TIMP3: variants seen among roughly 807,000 people sequenced by gnomAD.
TIMP3 encodes the protein TIMP metallopeptidase inhibitor 3, also known as metalloproteinase inhibitor 3.
TIMP3 carries 11 observed loss-of-function variants against 30.0 expected under a neutral mutation model. The ratio of observed to expected loss-of-function variants is 0.37; its 90% CI spans 0.23 to 0.61. TIMP3 has a LOEUF of 0.61. TIMP3 is among the 20% of genes least tolerant of loss of function. The pLI, the probability that TIMP3 is intolerant of heterozygous loss-of-function variation, is 0.70. For synonymous variants in TIMP3, 112 were observed against 111.3 expected (o/e 1.01, Z -0.04); for missense variants, 181 against 276.8 (o/e 0.65, Z 2.45).
Position 32,861,190 on chromosome 22 carries a change from G to A in TIMP3, c.*1813G>A, listed in dbSNP as rs2048527615. 6.7e-6 allele frequency: 1 copy of A among 148,646 alleles called. No individual in the cohort carries two copies. The highest frequency in any genetic ancestry group is 1.5e-5 in the Non-Finnish European group (1 of 67,230). 9.2% of individuals were successfully genotyped at this position (148,646 alleles called of 1,614,324 possible). On this transcript the variant is annotated 3_prime_UTR_variant, in exon 5 of 5. Coordinates refer to ENST00000266085, the MANE Select transcript of TIMP3 (RefSeq NM_000362.5). ...AAACAGAAGAAGAAAAAAAAAAAAAGCAGCAGACAACACACTGTAGAGTCT... is the reference window on the plus strand; with the variant it reads ...AAACAGAAGAAGAAAAAAAAAAAAAACAGCAGACAACACACTGTAGAGTCT...
At chr22:32,821,626 G>A (rs1247673603) in intron 1 of TIMP3, among the ~76,000 whole-genome samples, 1 of 152,226 alleles carries the variant, frequency 6.6e-6, no homozygotes, top group East Asian at 1.9e-4. Flanking sequence ...AAATCGGATG[G>A]AAGAGCGGAG....
chr22:32,855,336 A>T (rs533032698), intron 2 of TIMP3, among the ~76,000 whole-genome samples: 1 of 152,186 alleles, frequency 6.6e-6, no homozygotes, highest in Non-Finnish European at 1.5e-5. Flanking sequence ...CTGGGCACAC[A>T]CTGTGCCTCT....
intron 1 of TIMP3, among the ~76,000 whole-genome samples, chr22:32,818,828 C>T (rs1157359000): frequency 6.6e-6 from 1 of 152,158 alleles, no homozygotes; most frequent in Non-Finnish European, 1.5e-5. Context: ...GCTCAGAGAC[C>T]AGGAGGAATC....
At chr22:32,807,146 G>A (rs111303650) in intron 1 of TIMP3, among the ~76,000 whole-genome samples, 75 of 150,430 alleles carry the variant, frequency 5.0e-4, no homozygotes, top group Non-Finnish European at 9.6e-4. Flanking sequence ...AGACTGGGTA[G>A]CTCCCCCTGG....
chr22:32,839,107 C>A (rs1264473281), intron 1 of TIMP3, among the ~76,000 whole-genome samples: 1 of 151,730 alleles, frequency 6.6e-6, no homozygotes, highest in Non-Finnish European at 1.5e-5. Flanking sequence ...CTCACCTAGG[C>A]AAGGGGCATC....
chr22:32,828,175 T>C (rs2047468974), intron 1 of TIMP3, among the ~76,000 whole-genome samples: 1 of 152,232 alleles, frequency 6.6e-6, no homozygotes. Context: ...GCTAGGAAAT[T>C]GAGGCTGAGA....
At chr22:32,806,750 T>TACA (rs2046751153) in intron 1 of TIMP3, among the ~76,000 whole-genome samples, 1 of 152,134 alleles carries the variant, frequency 6.6e-6, no homozygotes, top group African/African-American at 2.4e-5. Flanking sequence ...TCTCTCTGTA[T>TACA]ATCTATGATA....
At chr22:32,803,303 G>A (rs2046641469) in intron 1 of TIMP3, among the ~76,000 whole-genome samples, 1 of 152,060 alleles carries the variant, frequency 6.6e-6, no homozygotes, top group Admixed American at 6.5e-5. Flanking sequence ...TCTTGGGTGA[G>A]GGACTCTACC....
intron 1 of TIMP3, among the ~76,000 whole-genome samples, chr22:32,803,978 G>T (rs564287083): frequency 1.3e-5 from 2 of 152,236 alleles, no homozygotes; most frequent in South Asian, 4.1e-4. Flanking sequence ...GGGCCTTCCC[G>T]TCTGCTTACT....
chr22:32,817,332 T>G (rs2047114405), intron 1 of TIMP3, among the ~76,000 whole-genome samples: 1 of 152,216 alleles, frequency 6.6e-6, no homozygotes, highest in Non-Finnish European at 1.5e-5. Flanking sequence ...GTGACCTGTT[T>G]AGCTCTGTTT....
intron 1 of TIMP3, among the ~76,000 whole-genome samples, chr22:32,821,748 C>T (rs897849619): frequency 6.6e-6 from 1 of 152,238 alleles, no homozygotes. Context: ...TCCCACGTAG[C>T]TCCTCTTGTC....
In TIMP3 at chr22:32,859,779, T is replaced by A. The variant is rs992653676; in HGVS notation, c.*402T>A. The A allele has an allele frequency of 3.0e-5, 7 of 234,006 alleles. No individual in the cohort carries two copies. Among genetic ancestry groups the A allele is most frequent in the African/African-American group, 1.6e-4 (7 of 43,074 alleles). The allele number at this position is 234,006 out of a possible 1,614,324, so 14.5% of individuals were successfully genotyped here. ...CACCATCTCCCAGACCCTCTTCCCT[T>A]TGCCCTTCTCCTCCAATACATAAAG... On this transcript the variant is annotated 3_prime_UTR_variant, in exon 5 of 5. Coordinates refer to ENST00000266085, the MANE Select transcript of TIMP3 (RefSeq NM_000362.5).
chr22:32,809,674 A>G (rs973555154), intron 1 of TIMP3, among the ~76,000 whole-genome samples: 3 of 152,254 alleles, frequency 2.0e-5, no homozygotes, highest in Admixed American at 2.0e-4. Context: ...CTAGCCAGTC[A>G]TTATTCTGAC....
intron 1 of TIMP3, among the ~76,000 whole-genome samples, chr22:32,839,193 A>G (rs886717220): frequency 1.3e-5 from 2 of 152,054 alleles, no homozygotes; most frequent in African/African-American, 4.8e-5. Flanking sequence ...CCAGCTCTGA[A>G]GAGCCATATA....
At chr22:32,834,232 A>G (rs886779252) in intron 1 of TIMP3, among the ~76,000 whole-genome samples, 29 of 151,794 alleles carry the variant, frequency 1.9e-4, no homozygotes, top group African/African-American at 7.0e-4. Context: ...GGCTCACTGC[A>G]GCCTCCGCCT....
intron 1 of TIMP3, among the ~76,000 whole-genome samples, chr22:32,848,126 C>T (rs935114057): frequency 6.6e-6 from 1 of 152,216 alleles, no homozygotes. Flanking sequence ...CTTTTTCACA[C>T]AACGTAGAAA....
At chr22:32,820,350 C>CTG (rs1283815510) in intron 1 of TIMP3, among the ~76,000 whole-genome samples, 11 of 112,308 alleles carry the variant, frequency 9.8e-5, no homozygotes, top group South Asian at 6.8e-4. Context: ...ACCCATTCCA[C>CTG]TGCGTGTGTG....
intron 1 of TIMP3, among the ~76,000 whole-genome samples, chr22:32,823,092 G>A (rs1411068851): frequency 6.6e-6 from 1 of 152,172 alleles, no homozygotes. Flanking sequence ...TCACTACATT[G>A]ACACATCATT....
chr22:32,802,187 A>G, intron 1 of TIMP3, 65 bp downstream of exon 1: 1 of 1,527,056 alleles, frequency 6.5e-7, no homozygotes. Flanking sequence ...CTGCTTAGGG[A>G]GGCAGGGCGA....
Sources: allele counts gnomAD v4.1 joint callset (sites outside exome capture counted in the v4.1 genomes callset), GRCh38; gene constraint gnomAD v4.1.1; transcripts MANE v1.5; gene names NCBI Gene and HGNC (gene_info 2026-07-23, HGNC 2026-07-21).